Variants in TRIM69 observed in about 807,000 individuals in gnomAD.
The protein encoded by TRIM69 is E3 ubiquitin-protein ligase TRIM69.
Under a neutral mutation model 37.7 loss-of-function variants are expected in TRIM69, and 29 were observed. That is an observed-to-expected ratio of 0.77 (90% CI 0.57 to 1.05). The LOEUF (loss-of-function observed/expected upper bound fraction) is 1.05. TRIM69 is among the 50% of genes least tolerant of loss of function. The probability of loss-of-function intolerance (pLI) is 0.00; values close to 1 mark genes in which losing one functional copy is unlikely to be tolerated. For synonymous variants in TRIM69, 209 were observed against 212.4 expected (o/e 0.98, Z 0.14); for missense variants, 596 against 579.9 (o/e 1.03, Z -0.28).
At chr15:44,767,106 T>G (rs1323251229) in intron 6 of TRIM69, 125 bp from the exon 7 acceptor site, 1 of 319,458 alleles carries the variant, frequency 3.1e-6, no homozygotes. Context: ...ATTGCTTGCC[T>G]GTCTAAGAGT....
rs144447354 is a variant in TRIM69 at position 44,759,814 on chromosome 15, G to C, written c.903G>C (p.Gln301His). The C allele has an allele frequency of 2.1e-4, 346 of 1,614,194 alleles. 1 individual carries two copies. In the African/African-American group the frequency reaches 3.5e-3, roughly 16 times the overall value. Residue 301 changes from glutamine (Q) to histidine (H), a missense_variant, in exon 6 of 7, where the codon CAG (glutamine) becomes CAC (histidine). Gln to His is a conservative substitution (Grantham distance 24). Coordinates refer to ENST00000329464, the MANE Select transcript of TRIM69 (RefSeq NM_182985.5). ...ELISRKLNLGQYKGPIQYMVW... is the reference protein window; with the variant it reads ...ELISRKLNLGHYKGPIQYMVW... ...TTTCCAGAAAGCTGAACCTGGGCCAGTACAAAGGTCCTATCCAGTACATGG... is the reference window on the plus strand; with the variant it reads ...TTTCCAGAAAGCTGAACCTGGGCCACTACAAAGGTCCTATCCAGTACATGG...
At chr15:44,753,275 T>C (rs1164558180) in intron 1 of TRIM69, 1 of 151,946 alleles carries the variant, frequency 6.6e-6, no homozygotes, top group Non-Finnish European at 1.5e-5. Flanking sequence ...TTTTCATGAA[T>C]ATATAATTCT....
intron 6 of TRIM69, among the ~76,000 whole-genome samples, chr15:44,762,504 C>T (rs2087797671): frequency 6.6e-6 from 1 of 152,052 alleles, no homozygotes. Flanking sequence ...ATATTTTAGA[C>T]AACTTGATAT....
intron 1 of TRIM69, among the ~76,000 whole-genome samples, chr15:44,738,054 CTTTTTTTTT>C (rs869285725): frequency 4.9e-3 from 116 of 23,452 alleles, no homozygotes; most frequent in Non-Finnish European, 0.013. Context: ...TTCTTTCTTT[CTTTTTTTTT>C]TTTTTTTTTT....
chr15:44,759,185 G>C (rs546295680), intron 4 of TRIM69, among the ~76,000 whole-genome samples: 2 of 152,150 alleles, frequency 1.3e-5, no homozygotes, highest in African/African-American at 4.8e-5. Flanking sequence ...TTGTATCTTT[G>C]GCTCTCAGCA....
Position 44,765,784 on chromosome 15 carries a change from CA to C in TRIM69, c.962-1437del, listed in dbSNP as rs752946155. Among the ~76,000 whole-genome samples, 529 of 138,972 alleles carry C rather than the reference CA, an allele frequency of 3.8e-3. 3 individuals carry two copies. The highest frequency in any genetic ancestry group is 0.011 in the African/African-American group (402 of 36,456). The allele number at this position is 138,972 out of a possible 152,430, so 91.2% of individuals were successfully genotyped here. A position where few individuals can be genotyped will look rare whatever the true frequency, so the allele number is the denominator to read the frequency against. On this transcript the variant is annotated intron_variant, in intron 6 of 6. Transcript: ENST00000329464. ...AAACAAAACAAAACAAACAAACAAA[CA>C]AAAAAAAAACAGAGAGAGAGAAACT...
intron 4 of TRIM69, 64 bp from the exon 5 acceptor site, chr15:44,759,576 C>T: frequency 1.3e-6 from 2 of 1,577,494 alleles, no homozygotes; most frequent in African/African-American, 1.3e-5. Flanking sequence ...TGGCTGGTAT[C>T]ACCAAAGAAA....
At chr15:44,760,417 T>C (rs1165815924) in intron 6 of TRIM69, among the ~76,000 whole-genome samples, 1 of 152,082 alleles carries the variant, frequency 6.6e-6, no homozygotes, top group Non-Finnish European at 1.5e-5. Context: ...ATAACACACA[T>C]GGCATTTCAA....
intron 6 of TRIM69, 91 bp from the exon 7 acceptor site, chr15:44,767,140 A>T: frequency 1.1e-6 from 1 of 886,528 alleles, no homozygotes; most frequent in Non-Finnish European, 1.7e-6. Flanking sequence ...GAGATAAAGT[A>T]CTATTGAATA....
intron 1 of TRIM69, chr15:44,754,182 A>G (rs1315362941): frequency 2.0e-5 from 3 of 146,784 alleles, no homozygotes; most frequent in Non-Finnish European, 3.0e-5. Context: ...GCTAGAGTGC[A>G]ATGGCGTGGT....
Position 44,758,550 on chromosome 15 carries a change from G to T in TRIM69, c.580-71G>T. 16 of 1,582,898 alleles carry T rather than the reference G, an allele frequency of 1.0e-5. No homozygotes were observed. The South Asian group carries it at 1.6e-4, about 16-fold the overall frequency. ...GGTATTTACCAAGTGTGTGAGTGTT[G>T]GTGGTGTGGGCCCCCATCCCCAAGC... On this transcript the variant is annotated intron_variant, in intron 3 of 6. Transcript: ENST00000329464.
chr15:44,758,917 A>G lies in TRIM69; in HGVS notation c.813+63A>G, dbSNP rs2087713186. 30 of 1,544,896 alleles carry G rather than the reference A, an allele frequency of 1.9e-5. No individual in the cohort carries two copies. The South Asian group carries it at 3.2e-4, about 17-fold the overall frequency. The stretch of plus-strand genomic sequence containing the variant: ...TACCTAGAGGGGGGAAGAGGTTTGG[A>G]AAGAATGCGGAAGTGGCTTTTCACA... On this transcript the variant is annotated intron_variant, in intron 4 of 6. Coordinates refer to ENST00000329464, the MANE Select transcript of TRIM69 (RefSeq NM_182985.5).
intron 1 of TRIM69, among the ~76,000 whole-genome samples, chr15:44,737,774 C>G (rs976470812): frequency 6.6e-6 from 1 of 152,126 alleles, no homozygotes; most frequent in Non-Finnish European, 1.5e-5. Context: ...CTGTATTTTT[C>G]TGCTCTCAAA....
chr15:44,758,512 A>AT (rs2141142340), intron 3 of TRIM69, 109 bp from the exon 4 acceptor site: 1 of 1,467,268 alleles, frequency 6.8e-7, no homozygotes, highest in East Asian at 2.4e-5. Flanking sequence ...ATTTGTATGC[A>AT]TTTTTCTGTG....
intron 1 of TRIM69, among the ~76,000 whole-genome samples, chr15:44,745,310 A>T (rs1327038384): frequency 3.3e-5 from 5 of 152,178 alleles, no homozygotes; most frequent in Non-Finnish European, 5.9e-5. Context: ...TACTAAGTTC[A>T]TGGGACAGAA....
At position 44,736,619 on chromosome 15, in the gene TRIM69, T is replaced by G; in HGVS notation, c.-86T>G. 1 of 1,537,276 alleles carries G rather than the reference T, an allele frequency of 6.5e-7. No homozygotes were observed. The highest frequency in any genetic ancestry group is 8.8e-7 in the Non-Finnish European group (1 of 1,131,002). Reference sequence around the variant, plus strand: ...AGCCCATTCCTTGAAAACTAAAAGGTCCCTGACTCCCAGTCTGCAGCCATC... The same window carrying G: ...AGCCCATTCCTTGAAAACTAAAAGGGCCCTGACTCCCAGTCTGCAGCCATC... On this transcript the variant is annotated 5_prime_UTR_variant, in exon 1 of 7. Transcript: ENST00000329464.
At chr15:44,741,829 C>T (rs1299864291) in intron 1 of TRIM69, among the ~76,000 whole-genome samples, 2 of 152,180 alleles carry the variant, frequency 1.3e-5, no homozygotes. Context: ...TAATCAATAG[C>T]TTACCAACCA....
intron 1 of TRIM69, among the ~76,000 whole-genome samples, chr15:44,751,409 C>T (rs1364498645): frequency 1.3e-5 from 2 of 152,088 alleles, no homozygotes; most frequent in Non-Finnish European, 2.9e-5. Flanking sequence ...AGCCACCACA[C>T]CTGGCCTTTT....
At position 44,767,403 on chromosome 15, in the gene TRIM69, G is replaced by T; in HGVS notation, c.1134G>T (p.Trp378Cys). The change falls in exon 7 of 7, where the codon TGG becomes TGT. Residue 378 changes from tryptophan to cysteine, a missense_variant. By Grantham distance (215) the Trp-to-Cys change is radical. Coordinates refer to ENST00000329464, the MANE Select transcript of TRIM69 (RefSeq NM_182985.5). ...LGSRGFTSGK[W>C]YWEVEVAKKT... ...CAAGAGGCTTCACCTCTGGAAAGTG[G>T]TACTGGGAAGTAGAAGTAGCAAAGA... is the stretch of plus-strand genomic sequence containing the variant. 6.2e-7 allele frequency: 1 copy of T among 1,614,186 alleles called. No homozygotes were observed. Among genetic ancestry groups the T allele is most frequent in the Non-Finnish European group, 8.5e-7 (1 of 1,180,024 alleles).
Sources: allele counts gnomAD v4.1 joint callset (sites outside exome capture counted in the v4.1 genomes callset), GRCh38; gene constraint gnomAD v4.1.1; transcripts MANE v1.5; gene names NCBI Gene and HGNC (gene_info 2026-07-23, HGNC 2026-07-21).